Variants in PDE1C observed in about 807,000 individuals in gnomAD.
PDE1C encodes phosphodiesterase 1C.
A neutral mutation model predicts 93.1 loss-of-function variants in PDE1C; 62 were observed. The ratio of observed to expected loss-of-function variants is 0.67; its 90% confidence interval spans 0.54 to 0.82. The LOEUF (loss-of-function observed/expected upper bound fraction) is 0.82, where lower values mean the gene tolerates loss of function less well. Ranked by LOEUF, PDE1C falls within the 40% of genes least tolerant of loss-of-function variation. PDE1C has a pLI of 0.00. For synonymous variants in PDE1C, 325 were observed against 310.1 expected (o/e 1.05, Z -0.50); for missense variants, 742 against 884.6 (o/e 0.84, Z 2.04).
intron 1 of PDE1C, among the ~76,000 whole-genome samples, chr7:32,294,158 G>C (rs1400503669): frequency 1.3e-5 from 2 of 151,992 alleles, no homozygotes; most frequent in Non-Finnish European, 2.9e-5. Context: ...GCTGTCCAAG[G>C]GTAGGTCAGG....
At chr7:31,644,975 T>C in the PDE1C span, among the ~76,000 whole-genome samples, 3 of 152,230 alleles carry the variant, frequency 2.0e-5, no homozygotes, top group Non-Finnish European at 2.9e-5. Context: ...TTTTCTGTTA[T>C]GTCATTTAAC....
the PDE1C span, among the ~76,000 whole-genome samples, chr7:31,667,565 G>T: frequency 6.6e-6 from 1 of 152,126 alleles, no homozygotes; most frequent in Non-Finnish European, 1.5e-5. Flanking sequence ...CAAAACAAGG[G>T]AGATAGGCCT....
At chr7:31,815,858 C>G in intron 15 of PDE1C, 66 bp downstream of exon 15, 3 of 1,215,622 alleles carry the variant, frequency 2.5e-6, no homozygotes, top group Non-Finnish European at 1.2e-6. Flanking sequence ...GGGTTGTTCA[C>G]CAGTTTCCAT....
At chr7:31,783,027 T>G (rs1034207345) in intron 16 of PDE1C, among the ~76,000 whole-genome samples, 1 of 152,200 alleles carries the variant, frequency 6.6e-6, no homozygotes. Flanking sequence ...TATTGGGACG[T>G]GACCCCATGG....
chr7:31,901,572 C>A (rs1287173209), intron 2 of PDE1C, among the ~76,000 whole-genome samples: 1 of 151,090 alleles, frequency 6.6e-6, no homozygotes, highest in Non-Finnish European at 1.5e-5. Context: ...AAATTAAATT[C>A]TAAACTATGG....
intron 2 of PDE1C, among the ~76,000 whole-genome samples, chr7:32,188,835 A>T (rs1804046070): frequency 6.6e-6 from 1 of 152,158 alleles, no homozygotes; most frequent in Admixed American, 6.5e-5. Flanking sequence ...TAATTTTCAC[A>T]AGGCAAGGTA....
chr7:31,649,797 G>A, the PDE1C span, among the ~76,000 whole-genome samples: 9 of 152,272 alleles, frequency 5.9e-5, no homozygotes, highest in East Asian at 5.8e-4. Context: ...TCAGAGTGCC[G>A]GCAAATGGAC....
intron 2 of PDE1C, among the ~76,000 whole-genome samples, chr7:32,182,778 T>C (rs1198961919): frequency 6.6e-6 from 1 of 152,094 alleles, no homozygotes; most frequent in African/African-American, 2.4e-5. Context: ...CTATTCAACA[T>C]AGTGCTGGAA....
At chr7:32,076,224 T>C (rs1031298881), upstream of PDE1C, among the ~76,000 whole-genome samples, 8 of 152,088 alleles carry the variant, frequency 5.3e-5, no homozygotes, top group African/African-American at 7.2e-5. Context: ...TTATGGGAGA[T>C]TTGATGTGGC....
At chr7:31,676,317 C>T in the PDE1C span, among the ~76,000 whole-genome samples, 1 of 151,784 alleles carries the variant, frequency 6.6e-6, no homozygotes, top group East Asian at 1.9e-4. Flanking sequence ...TATTTTAGAC[C>T]ATAAAGAAAA....
chr7:31,895,408 AG>A (rs1340021567), intron 2 of PDE1C, among the ~76,000 whole-genome samples: 3 of 152,204 alleles, frequency 2.0e-5, no homozygotes, highest in African/African-American at 7.2e-5. Flanking sequence ...TGGAGTCAAG[AG>A]GAACCAGAGG....
the PDE1C span, among the ~76,000 whole-genome samples, chr7:31,684,391 T>C: frequency 1.3e-5 from 2 of 152,218 alleles, no homozygotes; most frequent in African/African-American, 2.4e-5. Flanking sequence ...CTAAATTATA[T>C]ATTTTAAAAT....
intron 2 of PDE1C, among the ~76,000 whole-genome samples, chr7:32,191,249 C>G (rs1384274644): frequency 6.6e-6 from 1 of 152,104 alleles, no homozygotes; most frequent in East Asian, 1.9e-4. Context: ...AAGTTTCCCC[C>G]AGTGGTGACA....
intron 1 of PDE1C, among the ~76,000 whole-genome samples, chr7:32,217,680 G>A (rs1349886446): frequency 6.6e-6 from 1 of 152,180 alleles, no homozygotes; most frequent in East Asian, 1.9e-4. Context: ...GGTAGGATGG[G>A]TAAATGGGAA....
At chr7:31,738,422 T>C in the PDE1C span, among the ~76,000 whole-genome samples, 2 of 152,128 alleles carry the variant, frequency 1.3e-5, no homozygotes, top group Admixed American at 1.3e-4. Flanking sequence ...TATAAAACCA[T>C]TAGATCTCCC....
At chr7:32,200,600 C>CA (rs1804940885) in intron 2 of PDE1C, among the ~76,000 whole-genome samples, 1 of 152,214 alleles carries the variant, frequency 6.6e-6, no homozygotes, top group African/African-American at 2.4e-5. Flanking sequence ...CCATTTTGCT[C>CA]AAAAACTTGC....
At chr7:32,249,876 C>A (rs1809237202) in intron 1 of PDE1C, among the ~76,000 whole-genome samples, 1 of 151,854 alleles carries the variant, frequency 6.6e-6, no homozygotes, top group African/African-American at 2.4e-5. Context: ...TTTGAAAATC[C>A]CTTAATTCAA....
At chr7:32,234,828 C>T (rs56254454) in intron 1 of PDE1C, among the ~76,000 whole-genome samples, 15,959 of 151,840 alleles carry the variant, frequency 0.11, 895 homozygotes, top group East Asian at 0.13. Context: ...GAAAAACAAC[C>T]ACAAGCTAAT....
intron 3 of PDE1C, among the ~76,000 whole-genome samples, chr7:32,114,371 A>C (rs2128758642): frequency 6.6e-6 from 1 of 152,338 alleles, no homozygotes; most frequent in African/African-American, 2.4e-5. Context: ...AGCAATGGGG[A>C]AAGGATCTCC....
Sources: allele counts gnomAD v4.1 joint callset (sites outside exome capture counted in the v4.1 genomes callset), GRCh38; gene constraint gnomAD v4.1.1; transcripts MANE v1.5; gene names NCBI Gene and HGNC (gene_info 2026-07-23, HGNC 2026-07-21).